TYW1: variants seen among roughly 807,000 people sequenced by gnomAD.
TYW1 encodes the protein S-adenosyl-L-methionine-dependent tRNA 4-demethylwyosine synthase TYW1.
TYW1 carries 46 observed loss-of-function variants against 96.2 expected under a neutral mutation model. The observed-to-expected ratio is 0.48, with a 90% confidence interval of 0.38 to 0.61. The LOEUF is 0.61. TYW1 is among the 20% of genes least tolerant of loss of function. The pLI is 0.00. For missense variants in TYW1, 684 were observed against 909.6 expected, an observed-to-expected ratio of 0.75 and a Z score of 3.19; for synonymous variants, 274 against 323.0, an observed-to-expected ratio of 0.85 and a Z score of 1.63.
chr7:67,222,866 C>CTT (rs570972265), intron 15 of TYW1, among the ~76,000 whole-genome samples: 26 of 109,636 alleles, frequency 2.4e-4, no homozygotes, highest in South Asian at 1.6e-3. Flanking sequence ...CGCTTTTTTT[C>CTT]TTTTTTTTTT....
chr7:67,004,051 AC>A (rs750092758), intron 3 of TYW1, among the ~76,000 whole-genome samples: 35 of 149,820 alleles, frequency 2.3e-4, no homozygotes, highest in Non-Finnish European at 4.1e-4. Context: ...CTCAAAAAAA[AC>A]AAAAAACAAA....
At chr7:67,110,129 T>G (rs186716644) in intron 12 of TYW1, among the ~76,000 whole-genome samples, 13 of 152,292 alleles carry the variant, frequency 8.5e-5, no homozygotes, top group Admixed American at 7.9e-4. Context: ...TATAGACGAT[T>G]GTTTAGCTTC....
At chr7:67,215,271 T>A (rs1287568252) in intron 15 of TYW1, among the ~76,000 whole-genome samples, 1 of 151,906 alleles carries the variant, frequency 6.6e-6, no homozygotes, top group Admixed American at 6.6e-5. Flanking sequence ...CCACATTAGC[T>A]CAAGCACCCA....
rs140002336 is a variant in TYW1, at chr7:67,039,630, G to A, written c.985-10319G>A. Among the ~76,000 whole-genome samples, 776 of 151,844 alleles carry A rather than the reference G, an allele frequency of 5.1e-3. 5 individuals are homozygous for A. Among genetic ancestry groups the A allele is most frequent in the African/African-American group, 0.018 (735 of 41,430 alleles). On this transcript the variant is annotated intron_variant, in intron 7 of 15. Coordinates refer to ENST00000359626, the MANE Select transcript of TYW1 (RefSeq NM_018264.4). Reference sequence around the variant, plus strand: ...AGTGCTTTATAATCTTGAAAAGCCCGACAGACATTGAAATGAGCATTTTAT... The same window carrying A: ...AGTGCTTTATAATCTTGAAAAGCCCAACAGACATTGAAATGAGCATTTTAT...
At chr7:67,210,426 C>G (rs1800961127) in intron 15 of TYW1, among the ~76,000 whole-genome samples, 1 of 152,150 alleles carries the variant, frequency 6.6e-6, no homozygotes, top group Non-Finnish European at 1.5e-5. Context: ...TCTCCACTGT[C>G]AAATTACTGC....
At chr7:67,232,526 G>GTGAGAAC (rs1584725707) in intron 15 of TYW1, among the ~76,000 whole-genome samples, 57 of 137,110 alleles carry the variant, frequency 4.2e-4, no homozygotes, top group African/African-American at 6.3e-4. Flanking sequence ...GGGCAACAGA[G>GTGAGAAC]CATGACTCCG....
chr7:67,213,852 C>T (rs1801121964), intron 15 of TYW1, among the ~76,000 whole-genome samples: 1 of 152,172 alleles, frequency 6.6e-6, no homozygotes, highest in Non-Finnish European at 1.5e-5. Context: ...TCTGGCCTTT[C>T]TATTCCACTG....
chr7:67,128,702 T>C (rs1393289411), intron 13 of TYW1, among the ~76,000 whole-genome samples: 1 of 151,260 alleles, frequency 6.6e-6, no homozygotes, highest in Middle Eastern at 3.2e-3. Flanking sequence ...TTTTTTTTTT[T>C]TTTTTTGAGA....
chr7:67,036,497 C>T (rs1181778085), intron 7 of TYW1, among the ~76,000 whole-genome samples: 1 of 152,168 alleles, frequency 6.6e-6, no homozygotes, highest in African/African-American at 2.4e-5. Context: ...AGATTCTTTA[C>T]AGAAATGGAA....
chr7:67,163,691 CAG>C (rs1217093369), intron 13 of TYW1, among the ~76,000 whole-genome samples: 3 of 143,770 alleles, frequency 2.1e-5, no homozygotes, highest in East Asian at 4.0e-4. Flanking sequence ...TTTTCTGAGA[CAG>C]AGTCTTGCTC....
At chr7:67,148,308 G>A (rs573333794) in intron 13 of TYW1, among the ~76,000 whole-genome samples, 1 of 151,266 alleles carries the variant, frequency 6.6e-6, no homozygotes, top group South Asian at 2.1e-4. Context: ...TGTGATATGT[G>A]TGTAAATGGT....
chr7:67,117,095 C>T (rs55738075), intron 12 of TYW1, among the ~76,000 whole-genome samples: 42,055 of 152,002 alleles, frequency 0.28, 6,662 homozygotes, highest in African/African-American at 0.44. Flanking sequence ...GCAGCACAGA[C>T]CCCATGTGGT....
In TYW1 at chr7:67,183,548, G is replaced by A. The variant is rs189384210; in HGVS notation, c.1809+312G>A. 5.3e-4 allele frequency among the ~76,000 whole-genome samples: 80 copies of A among 152,284 alleles called. 1 individual carries two copies. The highest frequency in any genetic ancestry group is 1.8e-3 in the Admixed American group (27 of 15,300). ...TGCTGAGAAATAAAATAGTGTGGTG[G>A]TGAGTAATTGGTTGGCTTTTACATA... On this transcript the variant is annotated intron_variant, in intron 14 of 15. Transcript: ENST00000359626.
rs140659453 is a variant in TYW1, at chr7:67,143,201, C to T, written c.1698+25583C>T. ...CTTTGTGCGTAGTATATTTCAAGTT[C>T]TGTGCTAGGCCGGGGCATATAGTTA... On this transcript the variant is annotated intron_variant, in intron 13 of 15. Transcript: ENST00000359626. Among the ~76,000 whole-genome samples the T allele has an allele frequency of 9.4e-3, 1,427 of 152,196 alleles. 10 individuals carry two copies. Among genetic ancestry groups the T allele is most frequent in the Non-Finnish European group, 0.014 (985 of 68,016 alleles).
At position 67,080,378 on chromosome 7, in the gene TYW1, T is replaced by C. The variant is rs1315057058; in HGVS notation, c.1275-3052T>C. ...CTGACTTAAAGTCTATTTTATCTTA[T>C]ACAAGGATAGCTACTCTTGCTTACT... On this transcript the variant is annotated intron_variant, in intron 10 of 15. Coordinates refer to ENST00000359626, the MANE Select transcript of TYW1 (RefSeq NM_018264.4). 2.0e-5 allele frequency among the ~76,000 whole-genome samples: 3 copies of C among 151,994 alleles called. 1 individual carries two copies. Among genetic ancestry groups the C allele is most frequent in the East Asian group, 3.9e-4 (2 of 5,184 alleles).
intron 13 of TYW1, among the ~76,000 whole-genome samples, chr7:67,151,776 G>A (rs1314795974): frequency 6.6e-6 from 1 of 150,872 alleles, no homozygotes; most frequent in Non-Finnish European, 1.5e-5. Context: ...AAGTTTTATT[G>A]GAACACAGCC....
chr7:67,167,157 G>T (rs1296581115), intron 13 of TYW1, among the ~76,000 whole-genome samples: 1 of 152,134 alleles, frequency 6.6e-6, no homozygotes, highest in Non-Finnish European at 1.5e-5. Flanking sequence ...TTTATCTGGT[G>T]AGTGCATTTT....
At chr7:67,154,211 C>T (rs893110864) in intron 13 of TYW1, among the ~76,000 whole-genome samples, 8 of 152,092 alleles carry the variant, frequency 5.3e-5, no homozygotes, top group East Asian at 1.9e-4. Flanking sequence ...TGTGAGCCAC[C>T]GCGCCTGGCC....
intron 11 of TYW1, among the ~76,000 whole-genome samples, chr7:67,090,429 C>G (rs1584547005): frequency 6.6e-6 from 1 of 152,236 alleles, no homozygotes; most frequent in Non-Finnish European, 1.5e-5. Context: ...TTTGGTTTAT[C>G]GCTATGACAT....
Sources: allele counts gnomAD v4.1 joint callset (sites outside exome capture counted in the v4.1 genomes callset), GRCh38; gene constraint gnomAD v4.1.1; transcripts MANE v1.5; gene names NCBI Gene and HGNC (gene_info 2026-07-23, HGNC 2026-07-21).